Variants in CSMD1 observed in about 807,000 individuals in gnomAD.
CSMD1 encodes CUB and sushi domain-containing protein 1.
Under a neutral mutation model 417.5 loss-of-function variants are expected in CSMD1, and 213 were observed. The observed-to-expected ratio is 0.51, with a 90% CI of 0.46 to 0.57. The LOEUF (loss-of-function observed/expected upper bound fraction) is 0.57. Ranked by LOEUF, CSMD1 falls within the 20% of genes least tolerant of loss-of-function variation. The pLI is 0.00. For missense variants in CSMD1, 6,923 were observed against 4,529.7 expected, an observed-to-expected ratio of 1.53 and a Z score of -15.17; for synonymous variants, 2,862 against 1,736.8, an observed-to-expected ratio of 1.65 and a Z score of -16.11.
chr8:3,507,055 T>A (rs888789802), intron 10 of CSMD1, among the ~76,000 whole-genome samples: 5 of 152,196 alleles, frequency 3.3e-5, no homozygotes, highest in Admixed American at 6.5e-5. Flanking sequence ...GTGCCTAACA[T>A]AGAGCTTGGT....
chr8:3,671,355 A>C (rs991354306), intron 7 of CSMD1, among the ~76,000 whole-genome samples: 66 of 148,082 alleles, frequency 4.5e-4, no homozygotes, highest in African/African-American at 1.6e-3. Context: ...ATTGTATTTA[A>C]TTTCATAAAT....
At chr8:4,319,661 G>C (rs1247969366) in intron 3 of CSMD1, among the ~76,000 whole-genome samples, 1 of 152,098 alleles carries the variant, frequency 6.6e-6, no homozygotes, top group Non-Finnish European at 1.5e-5. Flanking sequence ...TGGAAAGAGA[G>C]GCCAGGGAAC....
intron 50 of CSMD1, among the ~76,000 whole-genome samples, chr8:3,050,512 C>T (rs536479347): frequency 1.3e-5 from 2 of 152,308 alleles, no homozygotes; most frequent in Admixed American, 1.3e-4. Context: ...CAAACATATA[C>T]ATATTGCCAT....
chr8:4,204,843 CA>C (rs1799882162), intron 3 of CSMD1, among the ~76,000 whole-genome samples: 1 of 151,634 alleles, frequency 6.6e-6, no homozygotes, highest in African/African-American at 2.4e-5. Context: ...TTTTTTTTTA[CA>C]AAGACAGGGT....
At chr8:4,443,178 G>A (rs910961686) in intron 2 of CSMD1, among the ~76,000 whole-genome samples, 7 of 152,148 alleles carry the variant, frequency 4.6e-5, no homozygotes, top group African/African-American at 1.2e-4. Context: ...AATTCTTACA[G>A]TGATATATTA....
At chr8:4,794,440 A>G (rs1387722998) in intron 1 of CSMD1, among the ~76,000 whole-genome samples, 1 of 152,160 alleles carries the variant, frequency 6.6e-6, no homozygotes, top group Non-Finnish European at 1.5e-5. Context: ...AGCATTTAAA[A>G]CAAAATGGTT....
Position 3,936,245 on chromosome 8 carries a change from T to C in CSMD1, c.818+61658A>G, listed in dbSNP as rs146751029. On this transcript the variant is annotated intron_variant, in intron 5 of 69. Transcript: ENST00000635120. ...GGCAAGGTAAAGCAGCAAGTGATGA[T>C]GGAAAGCTACAGCAAGTTATCCAGA... is the stretch of plus-strand genomic sequence containing the variant. Among the ~76,000 whole-genome samples, 462 of 150,648 alleles carry C rather than the reference T, an allele frequency of 3.1e-3. 2 individuals carry two copies. The highest frequency in any genetic ancestry group is 4.1e-3 in the Non-Finnish European group (281 of 67,834).
intron 7 of CSMD1, among the ~76,000 whole-genome samples, chr8:3,662,383 A>C (rs1798464408): frequency 6.6e-6 from 1 of 152,168 alleles, no homozygotes; most frequent in Admixed American, 6.5e-5. Context: ...TCTCTCCCTA[A>C]CTTAAATATA....
chr8:4,037,314 G>A (rs560072447), intron 3 of CSMD1, among the ~76,000 whole-genome samples: 10 of 152,234 alleles, frequency 6.6e-5, no homozygotes, highest in African/African-American at 2.2e-4. Context: ...TTTGCTTAGA[G>A]CCACATTTTC....
At chr8:3,811,918 C>T (rs1585034357) in intron 5 of CSMD1, among the ~76,000 whole-genome samples, 1 of 152,232 alleles carries the variant, frequency 6.6e-6, no homozygotes, top group East Asian at 1.9e-4. Flanking sequence ...CTTAACAAAG[C>T]ACATATAGAT....
intron 5 of CSMD1, among the ~76,000 whole-genome samples, chr8:3,920,990 A>C (rs1432026962): frequency 6.6e-6 from 1 of 152,172 alleles, no homozygotes; most frequent in Non-Finnish European, 1.5e-5. Flanking sequence ...TCATAAAATA[A>C]GTTTGAAAAT....
chr8:4,983,091 C>T (rs551271033), intron 1 of CSMD1, among the ~76,000 whole-genome samples: 1 of 152,172 alleles, frequency 6.6e-6, no homozygotes, highest in East Asian at 1.9e-4. Context: ...ATAACTTACT[C>T]AGTATACAAA....
intron 3 of CSMD1, among the ~76,000 whole-genome samples, chr8:4,244,638 A>T (rs1802594139): frequency 6.6e-6 from 1 of 152,168 alleles, no homozygotes; most frequent in South Asian, 2.1e-4. Context: ...AAATTTCTTC[A>T]AAACTGATCC....
intron 1 of CSMD1, among the ~76,000 whole-genome samples, chr8:4,861,569 C>G (rs939722732): frequency 6.6e-6 from 1 of 152,092 alleles, no homozygotes; most frequent in Non-Finnish European, 1.5e-5. Flanking sequence ...AATGCAAACA[C>G]TATTTAGGAT....
rs188027734 is a variant in CSMD1 at position 3,920,233 on chromosome 8, C to T, written c.818+77670G>A. On this transcript the variant is annotated intron_variant, in intron 5 of 69. Transcript: ENST00000635120. Reference sequence around the variant, plus strand: ...TATTTTTAGTAAAGACAGGGTCTCACCATGTTGCCCGGGATGCTCTTGAAC... The same window carrying T: ...TATTTTTAGTAAAGACAGGGTCTCATCATGTTGCCCGGGATGCTCTTGAAC... Among the ~76,000 whole-genome samples, 32 of 152,080 alleles carry T rather than the reference C, an allele frequency of 2.1e-4. No individual in the cohort carries two copies. In the Middle Eastern group the frequency reaches 0.017, roughly 81 times the overall value.
At chr8:3,159,586 G>C (rs1819752342) in intron 38 of CSMD1, among the ~76,000 whole-genome samples, 1 of 152,178 alleles carries the variant, frequency 6.6e-6, no homozygotes. Context: ...ATATATTAAA[G>C]TGTTAGTAAA....
intron 20 of CSMD1, among the ~76,000 whole-genome samples, chr8:3,365,789 T>A (rs569301414): frequency 6.6e-6 from 1 of 152,224 alleles, no homozygotes; most frequent in East Asian, 1.9e-4. Context: ...CCCCAACCCT[T>A]GTATTATTGA....
chr8:3,526,790 C>G (rs1797771379), intron 10 of CSMD1, among the ~76,000 whole-genome samples: 1 of 152,208 alleles, frequency 6.6e-6, no homozygotes, highest in Non-Finnish European at 1.5e-5. Context: ...CTAGTATTTG[C>G]AGCAGACGAC....
chr8:4,538,468 C>T (rs1019642327), intron 2 of CSMD1, among the ~76,000 whole-genome samples: 10 of 151,856 alleles, frequency 6.6e-5, no homozygotes, highest in African/African-American at 2.4e-4. Context: ...CATGGTGAAA[C>T]CCTGTCTCTA....
Sources: gnomAD v4.1 joint callset for allele counts (sites outside exome capture counted in the v4.1 genomes callset) on GRCh38, gnomAD v4.1.1 for gene constraint, MANE v1.5 for transcripts, NCBI Gene and HGNC (gene_info 2026-07-23, HGNC 2026-07-21) for gene names.